Variants in RAPH1 observed in about 807,000 individuals in gnomAD.
RAPH1 encodes ras-associated and pleckstrin homology domains-containing protein 1.
In RAPH1, 18 loss-of-function variants were observed where a neutral mutation model predicts 88.1. The ratio of observed to expected loss-of-function variants is 0.20; its 90% CI spans 0.14 to 0.30. The LOEUF (loss-of-function observed/expected upper bound fraction) is 0.30, where lower values mean the gene tolerates loss of function less well. Among genes scored for constraint, RAPH1 ranks in the 10% least tolerant of loss-of-function variants. The pLI is 1.00. For missense variants in RAPH1, 1,448 were observed against 1,543.2 expected (o/e 0.94, Z 1.03); for synonymous variants, 587 against 559.0 (o/e 1.05, Z -0.71).
chr2:203,533,784 T>G (rs984448587), intron 1 of RAPH1, among the ~76,000 whole-genome samples: 1 of 152,116 alleles, frequency 6.6e-6, no homozygotes, highest in Non-Finnish European at 1.5e-5. Context: ...TTTAAGGTGC[T>G]GTTAAACACC....
At chr2:203,456,682 CTA>C (rs2098519845) in intron 8 of RAPH1, among the ~76,000 whole-genome samples, 1 of 152,124 alleles carries the variant, frequency 6.6e-6, no homozygotes, top group South Asian at 2.1e-4. Flanking sequence ...GTTAGTATCA[CTA>C]TGAAAACTGA....
intron 4 of RAPH1, among the ~76,000 whole-genome samples, chr2:203,463,745 T>A (rs909691635): frequency 1.3e-5 from 2 of 152,178 alleles, no homozygotes; most frequent in African/African-American, 4.8e-5. Flanking sequence ...AATCATCCTA[T>A]TTTTTTAAAA....
At chr2:203,534,111 C>T (rs1690506578) in intron 1 of RAPH1, among the ~76,000 whole-genome samples, 1 of 152,170 alleles carries the variant, frequency 6.6e-6, no homozygotes, top group Non-Finnish European at 1.5e-5. Flanking sequence ...TCCGATCACG[C>T]CTCATCCCTA....
At chr2:203,476,041 T>A (rs1028487944) in intron 4 of RAPH1, among the ~76,000 whole-genome samples, 1 of 152,302 alleles carries the variant, frequency 6.6e-6, no homozygotes, top group African/African-American at 2.4e-5. Flanking sequence ...AAAGGTAATT[T>A]AAAATTTTGT....
intron 1 of RAPH1, among the ~76,000 whole-genome samples, chr2:203,498,417 A>G (rs575096384): frequency 6.2e-4 from 94 of 152,348 alleles, no homozygotes; most frequent in African/African-American, 2.2e-3. Context: ...CAAAGAGAAC[A>G]GGGAGAGAAC....
At chr2:203,470,383 A>G (rs1196854752) in intron 4 of RAPH1, 2 of 983,514 alleles carry the variant, frequency 2.0e-6, no homozygotes, top group African/African-American at 3.3e-5. Context: ...TTATGTGTTT[A>G]AAACATAAAG....
chr2:203,532,685 T>C (rs187336425), intron 1 of RAPH1, among the ~76,000 whole-genome samples: 2 of 152,342 alleles, frequency 1.3e-5, no homozygotes, highest in East Asian at 1.9e-4. Context: ...TTTATTATTA[T>C]AAGTTTAAAA....
intron 4 of RAPH1, among the ~76,000 whole-genome samples, chr2:203,480,115 T>C (rs761617099): frequency 7.2e-5 from 11 of 152,368 alleles, no homozygotes; most frequent in Non-Finnish European, 1.3e-4. Context: ...TTTCTATCAA[T>C]CTTATAAAAA....
At chr2:203,533,461 G>C (rs1451282363) in intron 1 of RAPH1, 1 of 152,102 alleles carries the variant, frequency 6.6e-6, no homozygotes, top group African/African-American at 2.4e-5. Context: ...AGAGTTAAAA[G>C]CTATTGAGCG....
chr2:203,467,712 G>A (rs1487604913), intron 4 of RAPH1, among the ~76,000 whole-genome samples: 1 of 152,116 alleles, frequency 6.6e-6, no homozygotes. Flanking sequence ...ATTGATTTGG[G>A]TCCTGGAAGC....
Position 203,495,300 on chromosome 2 carries a change from G to A in RAPH1, c.54C>T (p.Asp18=). The A allele has an allele frequency of 6.2e-7, 1 of 1,613,958 alleles. No individual in the cohort carries two copies. The highest frequency in any genetic ancestry group is 8.5e-7 in the Non-Finnish European group (1 of 1,179,930). ...TTTTGTCCAGGTCCTGATCTTCCTT[G>A]TCACTGTCTTCTTCAGCACCATGAT... The part of the protein sequence containing the change: ...EIDHGAEEDS[D]KEDQDLDKMF... The change falls in exon 2 of 14, where the codon GAC becomes GAT. Residue 18 remains aspartate, a synonymous_variant. Transcript: ENST00000319170.
chr2:203,530,617 C>T (rs575957111), intron 1 of RAPH1, among the ~76,000 whole-genome samples: 353 of 152,264 alleles, frequency 2.3e-3, no homozygotes, highest in Non-Finnish European at 3.7e-3. Flanking sequence ...TTAGGCCAAG[C>T]GTGATGGCTC....
chr2:203,506,741 TC>T (rs1272200364), intron 1 of RAPH1, among the ~76,000 whole-genome samples: 1 of 124,418 alleles, frequency 8.0e-6, no homozygotes, highest in Non-Finnish European at 1.5e-5. Context: ...TAGATATATA[TC>T]TATATATATA....
intron 4 of RAPH1, 65 bp downstream of exon 4, chr2:203,489,519 A>G: frequency 8.5e-7 from 1 of 1,181,658 alleles, no homozygotes; most frequent in Non-Finnish European, 1.1e-6. Context: ...AATTAAAATT[A>G]TTTTAATATA....
chr2:203,497,625 C>A (rs2105863244), intron 1 of RAPH1, among the ~76,000 whole-genome samples: 1 of 152,158 alleles, frequency 6.6e-6, no homozygotes, highest in Admixed American at 6.5e-5. Flanking sequence ...CACAGCTAAC[C>A]AATATCTCTA....
chr2:203,447,859 G>A (rs2098511357), intron 12 of RAPH1, 100 bp downstream of exon 12: 7 of 1,262,726 alleles, frequency 5.5e-6, no homozygotes, highest in Admixed American at 2.3e-5. Flanking sequence ...GTATGGCTCC[G>A]GTTTTTAAGA....
At chr2:203,517,290 G>A (rs1301675347) in intron 1 of RAPH1, among the ~76,000 whole-genome samples, 1 of 137,612 alleles carries the variant, frequency 7.3e-6, no homozygotes, top group Non-Finnish European at 1.5e-5. Flanking sequence ...ATAAAGGGTC[G>A]AGTCTCCAAG....
intron 1 of RAPH1, among the ~76,000 whole-genome samples, chr2:203,506,102 CA>C (rs1342421843): frequency 1.3e-5 from 2 of 152,126 alleles, no homozygotes; most frequent in Non-Finnish European, 2.9e-5. Flanking sequence ...AACGCACTGG[CA>C]AGAAATCCAA....
At chr2:203,451,155 A>C (rs2098514562) in intron 10 of RAPH1, among the ~76,000 whole-genome samples, 1 of 152,160 alleles carries the variant, frequency 6.6e-6, no homozygotes, top group Non-Finnish European at 1.5e-5. Context: ...GGCTCTGTAC[A>C]AGTACTTCTG....
Sources: gnomAD v4.1 joint callset for allele counts (sites outside exome capture counted in the v4.1 genomes callset) on GRCh38, gnomAD v4.1.1 for gene constraint, MANE v1.5 for transcripts, NCBI Gene and HGNC (gene_info 2026-07-23, HGNC 2026-07-21) for gene names.